The following SORD variants were observed in gnomAD, a reference collection of about 807,000 sequenced individuals.
The protein encoded by SORD is (R,R)-butanediol dehydrogenase.
A neutral mutation model predicts 35.6 loss-of-function variants in SORD; 18 were observed. The ratio of observed to expected loss-of-function variants is 0.51; its 90% CI spans 0.35 to 0.75. The LOEUF (loss-of-function observed/expected upper bound fraction) is 0.75. SORD is among the 30% of genes least tolerant of loss of function. The pLI, the probability that SORD is intolerant of heterozygous loss-of-function variation, is 0.01. For synonymous variants in SORD, 106 were observed against 152.9 expected (o/e 0.69, Z 2.26); for missense variants, 250 against 390.2 (o/e 0.64, Z 3.03).
At chr15:45,045,707 C>T (rs1488594589) in intron 3 of SORD, among the ~76,000 whole-genome samples, 1 of 151,964 alleles carries the variant, frequency 6.6e-6, no homozygotes, top group Non-Finnish European at 1.5e-5. Context: ...AAAAGTCCCC[C>T]TTTAAAAAGC....
chr15:45,065,211 A>T lies in SORD; in HGVS notation c.426-60A>T, dbSNP rs28709644. 106,572 of 1,356,804 alleles carry T rather than the reference A, an allele frequency of 0.079. 4,994 individuals carry two copies. Among genetic ancestry groups the T allele is most frequent in the Non-Finnish European group, 0.092 (88,842 of 964,288 alleles). 84.0% of individuals were successfully genotyped at this position (1,356,804 alleles called of 1,614,324 possible). On this transcript the variant is annotated intron_variant, in intron 4 of 8. Transcript: ENST00000267814. ...ATTACAGTGACATTGGGCATATATA[A>T]TACTATTGTTAGCATTGTAGTTAAC...
At chr15:45,042,176 C>A (rs1277111947) in intron 2 of SORD, among the ~76,000 whole-genome samples, 3 of 152,114 alleles carry the variant, frequency 2.0e-5, no homozygotes, top group African/African-American at 7.2e-5. Flanking sequence ...ACCAAAGGGG[C>A]TCAGTACCAT....
At chr15:45,053,915 A>G (rs1298742432) in intron 3 of SORD, among the ~76,000 whole-genome samples, 6 of 137,162 alleles carry the variant, frequency 4.4e-5, no homozygotes, top group Non-Finnish European at 6.2e-5. Context: ...TGTCCTTGCG[A>G]TAGTTTACCG....
intron 7 of SORD, chr15:45,069,762 T>A (rs1364694351): frequency 2.0e-5 from 3 of 152,220 alleles, no homozygotes; most frequent in Non-Finnish European, 2.9e-5. Flanking sequence ...AACTGCAGTC[T>A]TTAGTCACTT....
chr15:45,050,455 T>C (rs1446453900), intron 3 of SORD: 1 of 152,222 alleles, frequency 6.6e-6, no homozygotes, highest in Non-Finnish European at 1.5e-5. Flanking sequence ...TCCTCTCTTC[T>C]TGAGGTCAAA....
Position 45,023,311 on chromosome 15 carries a change from CT to C in SORD, c.31del (p.Ser11ProfsTer27). The C allele has an allele frequency of 1.3e-6, 2 of 1,592,240 alleles. No individual in the cohort carries two copies. Among genetic ancestry groups the C allele is most frequent in the East Asian group, 2.3e-5 (1 of 42,628 alleles). MAAAAKPNN[L>X]SLVVHGPGDL... is the part of the protein sequence containing the mutation. Reference sequence around the variant, plus strand: ...GGCGGCGGCGGCCAAGCCCAACAACCTTTCCCTGGTGGTGCACGGACCGGGG... The same window carrying C: ...GGCGGCGGCGGCCAAGCCCAACAACCTTCCCTGGTGGTGCACGGACCGGGG... On this transcript the variant is annotated frameshift_variant, in exon 1 of 9. Coordinates refer to ENST00000267814, the MANE Select transcript of SORD (RefSeq NM_003104.6). LOFTEE classifies it high-confidence loss of function.
chr15:45,053,603 T>C (rs1893164093), intron 3 of SORD, among the ~76,000 whole-genome samples: 1 of 152,218 alleles, frequency 6.6e-6, no homozygotes, highest in Non-Finnish European at 1.5e-5. Context: ...CAGGCTTATG[T>C]TACTTCTATT....
At chr15:45,069,735 C>G (rs1275608586) in intron 7 of SORD, 1 of 152,186 alleles carries the variant, frequency 6.6e-6, no homozygotes, top group Non-Finnish European at 1.5e-5. Flanking sequence ...AAATCCCCGT[C>G]TTATTTTATT....
intron 4 of SORD, among the ~76,000 whole-genome samples, chr15:45,061,624 T>C (rs548511078): frequency 5.3e-4 from 81 of 151,732 alleles, no homozygotes; most frequent in African/African-American, 1.9e-3. Context: ...TCCCAGCACT[T>C]TAGGAGGCCA....
At chr15:45,061,962 GC>G (rs1176674228) in intron 4 of SORD, among the ~76,000 whole-genome samples, 2 of 152,168 alleles carry the variant, frequency 1.3e-5, no homozygotes, top group African/African-American at 2.4e-5. Context: ...TGCTGCCAGG[GC>G]TTGAGCTCTG....
chr15:45,026,378 C>G (rs1490980698), intron 1 of SORD, among the ~76,000 whole-genome samples: 1 of 152,114 alleles, frequency 6.6e-6, no homozygotes, highest in Non-Finnish European at 1.5e-5. Context: ...TCAGCAAATG[C>G]ATTTTGGGGG....
At position 45,073,815 on chromosome 15, in the gene SORD, G is replaced by GC. The variant is rs2141130033; in HGVS notation, c.*285_*286insC. On this transcript the variant is annotated 3_prime_UTR_variant, in exon 9 of 9. Transcript: ENST00000267814. ...GTGCCAGGAACTCCCCTTCTTCCTGGAGTGCCTTCATTGAGGAAGGAAATC... is the reference window on the plus strand; with the variant it reads ...GTGCCAGGAACTCCCCTTCTTCCTGGCAGTGCCTTCATTGAGGAAGGAAATC... 7.5e-6 allele frequency: 1 copy of GC among 133,940 alleles called. No individual in the cohort carries two copies. Among genetic ancestry groups the GC allele is most frequent in the South Asian group, 2.4e-4 (1 of 4,096 alleles). 8.3% of individuals were successfully genotyped at this position (133,940 alleles called of 1,614,324 possible).
chr15:45,048,875 C>G (rs182046182), intron 3 of SORD, among the ~76,000 whole-genome samples: 1 of 152,184 alleles, frequency 6.6e-6, no homozygotes, highest in Non-Finnish European at 1.5e-5. Flanking sequence ...TAGCTGCCTA[C>G]GTAACTTCCC....
rs559231796 is a variant in SORD, at chr15:45,065,258, A to G, written c.426-13A>G. Reference sequence around the variant, plus strand: ...TAACTCAGAGGATCTCTGTGTGTCAATTGACTCCTCAGGCTTCCTGACAAT... The same window carrying G: ...TAACTCAGAGGATCTCTGTGTGTCAGTTGACTCCTCAGGCTTCCTGACAAT... On this transcript the variant is annotated splice_polypyrimidine_tract_variant and intron_variant, in intron 4 of 8. Coordinates refer to ENST00000267814, the MANE Select transcript of SORD (RefSeq NM_003104.6). The G allele has an allele frequency of 1.6e-5, 25 of 1,598,406 alleles. No individual in the cohort carries two copies. The Admixed American group carries it at 2.2e-4, about 14-fold the overall frequency.
Position 45,048,902 on chromosome 15 carries a change from G to C in SORD, c.265+5481G>C, listed in dbSNP as rs185859159. On this transcript the variant is annotated intron_variant, in intron 3 of 8. Transcript: ENST00000267814. ...TAACTTCCCTTATCTGTGTAGCTGC[G>C]TGTGTAGCTTCCCTTATCTGTGCAG... 7.2e-5 allele frequency among the ~76,000 whole-genome samples: 11 copies of C among 152,242 alleles called. No homozygotes were observed. In the South Asian group the frequency reaches 1.7e-3, roughly 23 times the overall value.
intron 2 of SORD, 147 bp downstream of exon 2, chr15:45,040,588 C>G: frequency 1.5e-6 from 1 of 670,014 alleles, no homozygotes; most frequent in Non-Finnish European, 2.7e-6. Context: ...AGGCTGAGAA[C>G]AGAGTCTACT....
At chr15:45,052,862 C>A (rs1893149039) in intron 3 of SORD, among the ~76,000 whole-genome samples, 1 of 152,140 alleles carries the variant, frequency 6.6e-6, no homozygotes, top group African/African-American at 2.4e-5. Flanking sequence ...TGCATGAAGT[C>A]TGTAACTGAG....
chr15:45,065,343 G>A lies in SORD; in HGVS notation c.498G>A (p.Arg166=), dbSNP rs1420164227. 8.1e-6 allele frequency: 13 copies of A among 1,613,894 alleles called. No individual in the cohort carries two copies. The highest frequency in any genetic ancestry group is 2.7e-5 in the African/African-American group (2 of 75,032). The change falls in exon 5 of 9, where the codon AGG becomes AGA. Residue 166 remains arginine, a synonymous_variant. Coordinates refer to ENST00000267814, the MANE Select transcript of SORD (RefSeq NM_003104.6). ...TTTCTGTGGGGATCCATGCCTGCAGGAGAGGCGGAGTTACCCTGGGACACA... is the reference window on the plus strand; with the variant it reads ...TTTCTGTGGGGATCCATGCCTGCAGAAGAGGCGGAGTTACCCTGGGACACA... ...EPLSVGIHAC[R]RGGVTLGHKV...
At chr15:45,028,846 G>GTCCGCTCCTTGCCA (rs140529490) in intron 1 of SORD, among the ~76,000 whole-genome samples, 3 of 152,106 alleles carry the variant, frequency 2.0e-5, no homozygotes, top group African/African-American at 7.2e-5. Context: ...CATTCAAAAT[G>GTCCGCTCCTTGCCA]TCTATACTTT....
Sources: gnomAD v4.1 joint callset for allele counts (sites outside exome capture counted in the v4.1 genomes callset) on GRCh38, gnomAD v4.1.1 for gene constraint, MANE v1.5 for transcripts, NCBI Gene and HGNC (gene_info 2026-07-23, HGNC 2026-07-21) for gene names.